ITGB5: variants seen among roughly 807,000 people sequenced by gnomAD.
ITGB5 encodes integrin subunit beta 5.
ITGB5 carries 38 observed loss-of-function variants against 84.8 expected under a neutral mutation model. The ratio of observed to expected loss-of-function variants is 0.45; its 90% confidence interval spans 0.35 to 0.59. The LOEUF is 0.59. Among genes scored for constraint, ITGB5 ranks in the 20% least tolerant of loss-of-function variants. ITGB5 has a pLI of 0.01. For missense variants in ITGB5, 905 were observed against 1,034.5 expected, an observed-to-expected ratio of 0.87 and a Z score of 1.72; for synonymous variants, 393 against 414.4, an observed-to-expected ratio of 0.95 and a Z score of 0.63.
At chr3:124,857,583 C>A (rs1451807968) in intron 3 of ITGB5, among the ~76,000 whole-genome samples, 1 of 152,122 alleles carries the variant, frequency 6.6e-6, no homozygotes, top group Non-Finnish European at 1.5e-5. Context: ...GTTTCCTAGA[C>A]CATGGGATAG....
intron 1 of ITGB5, among the ~76,000 whole-genome samples, chr3:124,874,306 G>GAAAAAAAAAAAAAAAAAAAAAAAACAAA (rs59287818): frequency 8.8e-6 from 1 of 113,394 alleles, no homozygotes. Context: ...TCAAAAGCCG[G>GAAAAAAAAAAAAAAAAAAAAAAAACAAA]AAAAAAAAAA....
At chr3:124,830,311 T>TA (rs2064842836) in intron 5 of ITGB5, among the ~76,000 whole-genome samples, 2 of 151,994 alleles carry the variant, frequency 1.3e-5, no homozygotes, top group Non-Finnish European at 2.9e-5. Context: ...CTTTCACCCA[T>TA]ATGGTAAGGT....
chr3:124,826,485 C>G (rs2064786009), intron 5 of ITGB5, among the ~76,000 whole-genome samples: 1 of 152,160 alleles, frequency 6.6e-6, no homozygotes, highest in Non-Finnish European at 1.5e-5. Context: ...ATGTATTGTG[C>G]ACTTCCATTA....
At chr3:124,854,684 G>A (rs1057477311) in intron 3 of ITGB5, among the ~76,000 whole-genome samples, 1 of 152,158 alleles carries the variant, frequency 6.6e-6, no homozygotes, top group African/African-American at 2.4e-5. Context: ...TCAGACAGTG[G>A]TGTTGACTGT....
intron 9 of ITGB5, among the ~76,000 whole-genome samples, chr3:124,807,645 G>A (rs1402423165): frequency 6.6e-6 from 1 of 151,978 alleles, no homozygotes; most frequent in Non-Finnish European, 1.5e-5. Context: ...GATTTGAGAA[G>A]GGTAAGAGGT....
intron 9 of ITGB5, among the ~76,000 whole-genome samples, chr3:124,803,331 G>A (rs2064344453): frequency 6.6e-6 from 1 of 152,114 alleles, no homozygotes; most frequent in African/African-American, 2.4e-5. Context: ...GGCTCCCGAT[G>A]CTTGAGGCTT....
chr3:124,880,601 G>A (rs1215665021), intron 1 of ITGB5, among the ~76,000 whole-genome samples: 1 of 152,088 alleles, frequency 6.6e-6, no homozygotes, highest in Admixed American at 6.6e-5. Context: ...GTGACAGAGC[G>A]AGATTCTGTC....
At chr3:124,875,206 C>T (rs1028046503) in intron 1 of ITGB5, among the ~76,000 whole-genome samples, 1 of 152,014 alleles carries the variant, frequency 6.6e-6, no homozygotes, top group African/African-American at 2.4e-5. Context: ...GGCCAGGCAC[C>T]GTGGCTCGCA....
intron 5 of ITGB5, among the ~76,000 whole-genome samples, chr3:124,834,237 G>A (rs2064896559): frequency 6.6e-6 from 1 of 151,968 alleles, no homozygotes; most frequent in Admixed American, 6.6e-5. Flanking sequence ...TGATAATGAT[G>A]TGTCAACACT....
intron 4 of ITGB5, 43 bp from the exon 5 acceptor site, chr3:124,841,594 G>A (rs779166724): frequency 2.5e-6 from 4 of 1,594,892 alleles, no homozygotes; most frequent in Non-Finnish European, 1.7e-6. Flanking sequence ...ATCATTGTCT[G>A]TAAATCTTAA....
At chr3:124,795,120 T>A (rs1279486551) in intron 10 of ITGB5, among the ~76,000 whole-genome samples, 1 of 152,120 alleles carries the variant, frequency 6.6e-6, no homozygotes, top group Non-Finnish European at 1.5e-5. Flanking sequence ...GTTTGACAGG[T>A]TGTCACGTGG....
intron 5 of ITGB5, among the ~76,000 whole-genome samples, chr3:124,838,328 A>G (rs1053628570): frequency 1.3e-5 from 2 of 152,234 alleles, no homozygotes; most frequent in Non-Finnish European, 2.9e-5. Flanking sequence ...CACCTGAGAC[A>G]ACCACTGTTA....
At chr3:124,773,027 T>C (rs7648120) in intron 11 of ITGB5, among the ~76,000 whole-genome samples, 25,006 of 150,300 alleles carry the variant, frequency 0.17, 2,267 homozygotes, top group Admixed American at 0.25. Flanking sequence ...TGCCTCAGCC[T>C]CCGGAGCAGC....
At chr3:124,788,056 C>T (rs531162552) in intron 10 of ITGB5, among the ~76,000 whole-genome samples, 31 of 152,122 alleles carry the variant, frequency 2.0e-4, no homozygotes, top group Admixed American at 8.5e-4. Context: ...CACAGGCACA[C>T]GCCACCATGC....
At chr3:124,876,236 A>G (rs1201175552) in intron 1 of ITGB5, among the ~76,000 whole-genome samples, 1 of 152,222 alleles carries the variant, frequency 6.6e-6, no homozygotes, top group Admixed American at 6.5e-5. Flanking sequence ...ATATATACAT[A>G]TAATAAAACA....
rs771204149 is a variant in ITGB5 at position 124,859,440 on chromosome 3, C to T, written c.163G>A (p.Gly55Arg). ...KCAWCSKEDF[G>R]SPRSITSRCD... ...CGAGAGGTGATGGACCGTGGGCTTC[C>T]GAAGTCCTAGGCAGGGAAAAAGAGG... Residue 55 changes from glycine to arginine, a missense_variant, in exon 3 of 15, where the codon GGA (glycine) becomes AGA (arginine). Physicochemically the swap from Gly to Arg is moderately radical, Grantham distance 125 (BLOSUM62 -2). Transcript: ENST00000296181. The T allele has an allele frequency of 4.3e-6, 7 of 1,613,376 alleles. No homozygotes were observed. The African/African-American group carries it at 8.0e-5, about 18-fold the overall frequency.
intron 5 of ITGB5, among the ~76,000 whole-genome samples, chr3:124,824,987 A>G (rs2064763510): frequency 6.6e-6 from 1 of 152,158 alleles, no homozygotes; most frequent in African/African-American, 2.4e-5. Context: ...TCACGAGGTC[A>G]GAAGATCGAG....
At chr3:124,764,367 G>A in intron 14 of ITGB5, 24 bp downstream of exon 14, 1 of 1,590,496 alleles carries the variant, frequency 6.3e-7, no homozygotes. Flanking sequence ...AGTCTCCTCT[G>A]CTTCCCATTT....
chr3:124,848,454 T>G lies in ITGB5; in HGVS notation c.466A>C (p.Asn156His). ...LSLSMKDDLDNIRSLGTKLAE... is the reference protein window; with the variant it reads ...LSLSMKDDLDHIRSLGTKLAE... ...AGTTTGGTGCCCAGGCTCCGGATAT[T>G]GTCCAAGTCATCCTTCATGGACAGG... The change falls in exon 4 of 15, where the codon AAT becomes CAT. Residue 156 changes from asparagine (N) to histidine (H), a missense_variant. Coordinates refer to ENST00000296181, the MANE Select transcript of ITGB5 (RefSeq NM_002213.5). 1 of 1,614,198 alleles carries G rather than the reference T, an allele frequency of 6.2e-7. No homozygotes were observed. The highest frequency in any genetic ancestry group is 1.1e-5 in the South Asian group (1 of 91,078).
Sources: allele counts gnomAD v4.1 joint callset (sites outside exome capture counted in the v4.1 genomes callset), GRCh38; gene constraint gnomAD v4.1.1; transcripts MANE v1.5; gene names NCBI Gene and HGNC (gene_info 2026-07-23, HGNC 2026-07-21).